ST7: variants seen among roughly 807,000 people sequenced by gnomAD.
The protein encoded by ST7 is suppression of tumorigenicity 7.
In ST7, 28 loss-of-function variants were observed where a neutral mutation model predicts 78.7. The ratio of observed to expected loss-of-function variants is 0.36; its 90% CI spans 0.26 to 0.49. The LOEUF is 0.49. Among genes scored for constraint, ST7 ranks in the 20% least tolerant of loss-of-function variants. The pLI is 0.99. For synonymous variants in ST7, 247 were observed against 249.6 expected (o/e 0.99, Z 0.10); for missense variants, 418 against 696.0 (o/e 0.60, Z 4.49).
intron 2 of ST7, chr7:117,112,745 A>G (rs2116892424): frequency 6.6e-6 from 1 of 152,384 alleles, no homozygotes; most frequent in African/African-American, 2.4e-5. Flanking sequence ...GAAGCAGCCC[A>G]TAAATGTCAA....
chr7:117,175,218 C>G (rs972681838), intron 10 of ST7, among the ~76,000 whole-genome samples: 1 of 152,132 alleles, frequency 6.6e-6, no homozygotes, highest in African/African-American at 2.4e-5. Context: ...TTCAGTCATA[C>G]ATTTGCTATA....
At chr7:117,086,219 C>G (rs934801568) in intron 1 of ST7, among the ~76,000 whole-genome samples, 4 of 152,078 alleles carry the variant, frequency 2.6e-5, no homozygotes, top group African/African-American at 9.7e-5. Flanking sequence ...TTGTTTGTTT[C>G]TATAGTAACA....
At chr7:117,008,219 A>G (rs972371872) in intron 1 of ST7, among the ~76,000 whole-genome samples, 2 of 152,174 alleles carry the variant, frequency 1.3e-5, no homozygotes, top group Non-Finnish European at 2.9e-5. Context: ...TAGAGCTAGA[A>G]AAAAACCTCA....
chr7:117,127,386 A>G (rs1459043224), intron 3 of ST7, among the ~76,000 whole-genome samples: 2 of 151,900 alleles, frequency 1.3e-5, no homozygotes, highest in Admixed American at 1.3e-4. Context: ...TGCAGACAAG[A>G]TAAGATTATG....
intron 1 of ST7, among the ~76,000 whole-genome samples, chr7:117,092,203 C>T (rs1048356285): frequency 4.4e-5 from 6 of 137,704 alleles, no homozygotes; most frequent in Non-Finnish European, 7.7e-5. Context: ...GGCGTGAACC[C>T]GGGAGGCGGA....
chr7:117,005,620 G>A (rs1795123788), intron 1 of ST7, among the ~76,000 whole-genome samples: 2 of 152,020 alleles, frequency 1.3e-5, no homozygotes, highest in Non-Finnish European at 2.9e-5. Context: ...GATGGACTGT[G>A]GAAACAATGA....
intron 11 of ST7, among the ~76,000 whole-genome samples, chr7:117,189,731 C>G (rs1475350236): frequency 6.6e-6 from 1 of 152,158 alleles, no homozygotes; most frequent in Non-Finnish European, 1.5e-5. Context: ...CATTCCTCTC[C>G]CTTCAGCGGT....
At chr7:116,971,615 A>G (rs1793427046) in intron 1 of ST7, among the ~76,000 whole-genome samples, 1 of 152,332 alleles carries the variant, frequency 6.6e-6, no homozygotes, top group Non-Finnish European at 1.5e-5. Flanking sequence ...TTATTTGGCT[A>G]ACTCCTCCTG....
At chr7:117,070,142 C>T (rs922184551) in intron 1 of ST7, among the ~76,000 whole-genome samples, 1 of 152,128 alleles carries the variant, frequency 6.6e-6, no homozygotes, top group African/African-American at 2.4e-5. Context: ...CTGATAGATA[C>T]AAATAACTTT....
At chr7:116,966,309 G>A (rs1465605605) in intron 1 of ST7, among the ~76,000 whole-genome samples, 1 of 147,696 alleles carries the variant, frequency 6.8e-6, no homozygotes, top group Non-Finnish European at 1.5e-5. Context: ...GGAGTGCAGT[G>A]GCATGATCTT....
At chr7:117,228,124 C>T (rs1341628496) in intron 15 of ST7, among the ~76,000 whole-genome samples, 2 of 152,228 alleles carry the variant, frequency 1.3e-5, no homozygotes, top group African/African-American at 4.8e-5. Context: ...TCTTCCTTTA[C>T]CATCCTTACT....
intron 13 of ST7, among the ~76,000 whole-genome samples, chr7:117,217,611 G>T (rs895314881): frequency 6.6e-6 from 1 of 152,190 alleles, no homozygotes; most frequent in Admixed American, 6.5e-5. Context: ...GTTCTAGCGG[G>T]CAAAAGTCAT....
At chr7:117,102,907 A>T (rs375470890) in intron 2 of ST7, among the ~76,000 whole-genome samples, 20 of 152,194 alleles carry the variant, frequency 1.3e-4, no homozygotes, top group African/African-American at 4.8e-4. Flanking sequence ...AGCATACAAA[A>T]ATCAGTAACA....
intron 1 of ST7, among the ~76,000 whole-genome samples, chr7:117,003,402 A>G (rs914531745): frequency 2.6e-5 from 4 of 151,976 alleles, no homozygotes; most frequent in Non-Finnish European, 5.9e-5. Flanking sequence ...GGTTCAAGCA[A>G]TTCTCCTGCC....
At chr7:117,076,199 C>T (rs2116561042) in intron 1 of ST7, among the ~76,000 whole-genome samples, 1 of 152,324 alleles carries the variant, frequency 6.6e-6, no homozygotes, top group South Asian at 2.1e-4. Flanking sequence ...TGGCGAGCAG[C>T]AGGACCTAGA....
intron 1 of ST7, among the ~76,000 whole-genome samples, chr7:117,048,012 A>G (rs1282599353): frequency 6.6e-6 from 1 of 152,230 alleles, no homozygotes; most frequent in Non-Finnish European, 1.5e-5. Flanking sequence ...CTAAATGGTC[A>G]ATCAACGCAT....
intron 10 of ST7, chr7:117,187,410 C>T (rs1028294680): frequency 2.0e-5 from 3 of 151,916 alleles, no homozygotes; most frequent in Admixed American, 6.6e-5. Context: ...GGAGAAGGAG[C>T]AAACATTTTA....
intron 3 of ST7, among the ~76,000 whole-genome samples, chr7:117,129,297 A>G (rs1051924546): frequency 9.2e-5 from 14 of 151,860 alleles, no homozygotes; most frequent in African/African-American, 3.1e-4. Context: ...TGTAAGGCAA[A>G]AGCAAACTGG....
At chr7:117,180,740 C>A (rs1343012264) in intron 10 of ST7, among the ~76,000 whole-genome samples, 2 of 152,276 alleles carry the variant, frequency 1.3e-5, no homozygotes, top group East Asian at 3.9e-4. Context: ...GTCTCAACTT[C>A]CCATGCTCAA....
Sources: gnomAD v4.1 joint callset for allele counts (sites outside exome capture counted in the v4.1 genomes callset) on GRCh38, gnomAD v4.1.1 for gene constraint, MANE v1.5 for transcripts, NCBI Gene and HGNC (gene_info 2026-07-23, HGNC 2026-07-21) for gene names.